The following CLTB variants were observed in gnomAD, a reference collection of about 807,000 sequenced individuals.
CLTB encodes clathrin, light chain (Lcb).
Under a neutral mutation model 30.5 loss-of-function variants are expected in CLTB, and 10 were observed. The observed-to-expected ratio is 0.33, with a 90% CI of 0.20 to 0.56. CLTB has a LOEUF of 0.56. Among genes scored for constraint, CLTB ranks in the 20% least tolerant of loss-of-function variants. The probability of loss-of-function intolerance (pLI) is 0.91; values close to 1 mark genes in which losing one functional copy is unlikely to be tolerated. For missense variants in CLTB, 261 were observed against 308.3 expected, an observed-to-expected ratio of 0.85 and a Z score of 1.15; for synonymous variants, 102 against 120.3, an observed-to-expected ratio of 0.85 and a Z score of 1.00.
At chr5:176,400,001 G>C (rs1387037735) in intron 2 of CLTB, among the ~76,000 whole-genome samples, 1 of 152,118 alleles carries the variant, frequency 6.6e-6, no homozygotes, top group Non-Finnish European at 1.5e-5. Context: ...AGACCAGCCT[G>C]ACCAACATGG....
Position 176,392,765 on chromosome 5 carries a change from A to C in CLTB, c.*9T>G. The C allele has an allele frequency of 6.2e-7, 1 of 1,613,556 alleles. No individual in the cohort carries two copies. Among genetic ancestry groups the C allele is most frequent in the Non-Finnish European group, 8.5e-7 (1 of 1,179,886 alleles). ...GCCCATGCTCTGTGGCCATGCACCT[A>C]GCAGGCACCTAGCGGGACAGTGGCG... On this transcript the variant is annotated 3_prime_UTR_variant, in exon 6 of 6. Coordinates refer to ENST00000310418, the MANE Select transcript of CLTB (RefSeq NM_007097.5). The surrounding 1 kb of genome is among the most constrained non-coding windows in gnomAD (Gnocchi z 5.2).
chr5:176,400,196 TC>T (rs1756748080), intron 2 of CLTB, among the ~76,000 whole-genome samples: 1 of 138,392 alleles, frequency 7.2e-6, no homozygotes. Flanking sequence ...AGACTCTATC[TC>T]AAAAAAAAAA....
At chr5:176,416,072 C>A (rs1039416848) in intron 1 of CLTB, 105 bp downstream of exon 1, 1 of 1,050,534 alleles carries the variant, frequency 9.5e-7, no homozygotes, top group Non-Finnish European at 1.3e-6. Context: ...CCAGCTCCTG[C>A]CCCGGGTGGC....
chr5:176,410,230 C>G lies in CLTB; in HGVS notation c.234+27G>C, dbSNP rs201317246. On this transcript the variant is annotated intron_variant, in intron 2 of 5. Transcript: ENST00000310418. ...CTGAGACCAGGGCTGTTGGTCCTTA[C>G]CACTGCTGAGACAGAGCCTTGCTTA... The G allele has an allele frequency of 2.5e-6, 4 of 1,610,722 alleles. No homozygotes were observed. The South Asian group carries it at 4.4e-5, about 18-fold the overall frequency.
intron 1 of CLTB, among the ~76,000 whole-genome samples, chr5:176,413,971 G>A (rs575601766): frequency 6.6e-6 from 1 of 152,296 alleles, no homozygotes; most frequent in African/African-American, 2.4e-5. Flanking sequence ...AGGCCAATTT[G>A]TGCCCCACCC....
Position 176,392,958 on chromosome 5 carries a change from A to G in CLTB, c.519-13T>C. 2 of 1,613,826 alleles carry G rather than the reference A, an allele frequency of 1.2e-6. No homozygotes were observed. Among genetic ancestry groups the G allele is most frequent in the Non-Finnish European group, 1.7e-6 (2 of 1,179,916 alleles). ...CTCCTCGGATGCCCTGCGGGTGGAG[A>G]TAGGACGGGCTTTTATAGCAGTCTG... On this transcript the variant is annotated splice_polypyrimidine_tract_variant and intron_variant, in intron 5 of 5. Coordinates refer to ENST00000310418, the MANE Select transcript of CLTB (RefSeq NM_007097.5). This position sits in a 1 kb window ranked among gnomAD's most constrained non-coding sequence, Gnocchi z 5.2.
chr5:176,408,044 G>C (rs1757221458), intron 2 of CLTB, among the ~76,000 whole-genome samples: 1 of 152,164 alleles, frequency 6.6e-6, no homozygotes, highest in Non-Finnish European at 1.5e-5. Context: ...TGAAGGCTCT[G>C]AGGGGAGGTT....
At position 176,413,336 on chromosome 5, in the gene CLTB, G is replaced by C. The variant is rs576252453; in HGVS notation, c.187+2841C>G. Among the ~76,000 whole-genome samples, 15 of 152,348 alleles carry C rather than the reference G, an allele frequency of 9.8e-5. No homozygotes were observed. The Middle Eastern group carries it at 0.014, about 138-fold the overall frequency. On this transcript the variant is annotated intron_variant, in intron 1 of 5. Coordinates refer to ENST00000310418, the MANE Select transcript of CLTB (RefSeq NM_007097.5). ...GCTTACGAGGCCCAGCGGGGGAAAT[G>C]GGCTTGCCCAGAACTGACAGGCAAG... is the stretch of plus-strand genomic sequence containing the variant.
chr5:176,406,224 C>A, intron 2 of CLTB: 2 of 1,004,634 alleles, frequency 2.0e-6, no homozygotes, highest in Non-Finnish European at 2.4e-6. Context: ...TCACCAGCGG[C>A]TAGAGCAATG....
At chr5:176,413,324 A>G (rs1757539926) in intron 1 of CLTB, among the ~76,000 whole-genome samples, 1 of 152,252 alleles carries the variant, frequency 6.6e-6, no homozygotes, top group African/African-American at 2.4e-5. Context: ...TACGAGGCCC[A>G]GCGGGGGAAA....
rs898057292 is a variant in CLTB, at chr5:176,397,786, C to CA, written c.353-69_353-68insT. The stretch of plus-strand genomic sequence containing the variant: ...ATGCACAGGCCCGGCCGCGCTCCTC[C>CA]CCTGGCCCCTGCCAGGCAGCCACAG... On this transcript the variant is annotated intron_variant, in intron 3 of 5. Transcript: ENST00000310418. 1,348 of 1,533,862 alleles carry CA rather than the reference C, an allele frequency of 8.8e-4. 1 individual carries two copies. Among genetic ancestry groups the CA allele is most frequent in the Non-Finnish European group, 1.1e-3 (1,246 of 1,107,662 alleles).
chr5:176,398,153 A>G, intron 2 of CLTB, 106 bp from the exon 3 acceptor site: 4 of 942,594 alleles, frequency 4.2e-6, no homozygotes, highest in Non-Finnish European at 6.8e-6. Context: ...AGCCTCAAAC[A>G]ACCTCATACC....
intron 5 of CLTB, among the ~76,000 whole-genome samples, chr5:176,394,276 TGAC>T (rs968894572): frequency 4.6e-5 from 7 of 152,224 alleles, no homozygotes; most frequent in Non-Finnish European, 8.8e-5. Context: ...GGCATCAGCA[TGAC>T]GACAGAGCCT....
chr5:176,394,814 T>TA lies in CLTB; in HGVS notation c.518+1664dup, dbSNP rs78767071. On this transcript the variant is annotated intron_variant, in intron 5 of 5. Transcript: ENST00000310418. ...TGGGTGACAGAGCAAGACTCCGTCT[T>TA]AAAAAAAAAAAAAAGTTTGAGAAGC... Among the ~76,000 whole-genome samples the TA allele has an allele frequency of 3.7e-3, 530 of 143,476 alleles. 2 individuals are homozygous for TA. The highest frequency in any genetic ancestry group is 0.011 in the African/African-American group (415 of 38,800). The allele number at this position is 143,476 out of a possible 152,430, so 94.1% of individuals were successfully genotyped here. A position where few individuals can be genotyped will look rare whatever the true frequency, so the allele number is the denominator to read the frequency against.
At position 176,416,534 on chromosome 5, in the gene CLTB, G is replaced by T; in HGVS notation, c.-171C>A. ...TCTCCGCCACCGGGCCCGGCTGGCT[G>T]TCACTGCGGTGCGGGCGCCGCGGCG... On this transcript the variant is annotated 5_prime_UTR_variant, in exon 1 of 6. Transcript: ENST00000310418. 5.1e-6 allele frequency: 2 copies of T among 394,346 alleles called. No individual in the cohort carries two copies. Among genetic ancestry groups the T allele is most frequent in the Non-Finnish European group, 8.0e-6 (2 of 249,922 alleles). 24.4% of individuals were successfully genotyped at this position (394,346 alleles called of 1,614,324 possible). A position where few individuals can be genotyped will look rare whatever the true frequency, so the allele number is the denominator to read the frequency against.
chr5:176,397,598 C>T lies in CLTB; in HGVS notation c.464+9G>A, dbSNP rs1224255190. On this transcript the variant is annotated intron_variant, in intron 4 of 5. Coordinates refer to ENST00000310418, the MANE Select transcript of CLTB (RefSeq NM_007097.5). ...CCATGGCCCCCTCATGTCCCTACAG[C>T]CCTCTCACCGGTTGTTGATCTTGTT... 6.3e-7 allele frequency: 1 copy of T among 1,586,998 alleles called. No homozygotes were observed. The highest frequency in any genetic ancestry group is 8.6e-7 in the Non-Finnish European group (1 of 1,163,142).
chr5:176,392,620 T>C lies in CLTB; in HGVS notation c.*154A>G, dbSNP rs5866. 0.34 allele frequency: 267,226 copies of C among 786,542 alleles called. 46,713 individuals are homozygous for C. Among genetic ancestry groups the C allele is most frequent in the African/African-American group, 0.45 (26,002 of 57,900 alleles). 48.7% of individuals were successfully genotyped at this position (786,542 alleles called of 1,614,324 possible). On this transcript the variant is annotated 3_prime_UTR_variant, in exon 6 of 6. Coordinates refer to ENST00000310418, the MANE Select transcript of CLTB (RefSeq NM_007097.5). This position sits in a 1 kb window ranked among gnomAD's most constrained non-coding sequence, Gnocchi z 5.2. ...AGGGCCAGGAGGGAGCGAGGCGTGA[T>C]GGGGTGAGGGCCCCCCTCCCAGCGC... is the stretch of plus-strand genomic sequence containing the variant.
At chr5:176,399,408 G>A (rs1442412105) in intron 2 of CLTB, among the ~76,000 whole-genome samples, 2 of 152,162 alleles carry the variant, frequency 1.3e-5, no homozygotes, top group African/African-American at 4.8e-5. Flanking sequence ...TGTAAGGCCT[G>A]GGAGAAATTG....
chr5:176,401,121 C>T (rs767497056), intron 2 of CLTB, among the ~76,000 whole-genome samples: 21 of 152,204 alleles, frequency 1.4e-4, no homozygotes, highest in Non-Finnish European at 2.6e-4. Flanking sequence ...GGCCCTTCTC[C>T]GGAGAACACA....
Sources: gnomAD v4.1 joint callset for allele counts (sites outside exome capture counted in the v4.1 genomes callset) on GRCh38, gnomAD v4.1.1 for gene constraint, Gnocchi (gnomAD v3.1) non-coding constraint, MANE v1.5 for transcripts, NCBI Gene and HGNC (gene_info 2026-07-23, HGNC 2026-07-21) for gene names.